Variants in RTN4RL1 observed in about 807,000 individuals in gnomAD.
The protein encoded by RTN4RL1 is reticulon 4 receptor like 1.
RTN4RL1 carries 7 observed loss-of-function variants against 25.6 expected under a neutral mutation model. That is an observed-to-expected ratio of 0.27 (90% confidence interval 0.16 to 0.51). The LOEUF is 0.51. Among genes scored for constraint, RTN4RL1 ranks in the 20% least tolerant of loss-of-function variants. The pLI is 0.97. For missense variants in RTN4RL1, 500 were observed against 615.6 expected (o/e 0.81, Z 1.99); for synonymous variants, 297 against 288.2 (o/e 1.03, Z -0.31).
intron 1 of RTN4RL1, among the ~76,000 whole-genome samples, chr17:2,002,004 AT>A (rs11457997): frequency 3.6e-4 from 53 of 145,794 alleles, no homozygotes; most frequent in South Asian, 6.5e-4. Context: ...TGCTTAAAGG[AT>A]TTTTTTTTTT....
intron 1 of RTN4RL1, among the ~76,000 whole-genome samples, chr17:1,951,292 C>T (rs1019181213): frequency 6.6e-6 from 1 of 151,638 alleles, no homozygotes; most frequent in African/African-American, 2.4e-5. Context: ...ATTTTATTAA[C>T]AAAAAATAGT....
intron 1 of RTN4RL1, among the ~76,000 whole-genome samples, chr17:1,989,093 T>C (rs1280026391): frequency 6.6e-6 from 1 of 152,122 alleles, no homozygotes; most frequent in Non-Finnish European, 1.5e-5. Flanking sequence ...GAGAGTAATC[T>C]AGACCACCAA....
chr17:1,963,794 C>A (rs2066776556), intron 1 of RTN4RL1, among the ~76,000 whole-genome samples: 1 of 152,072 alleles, frequency 6.6e-6, no homozygotes, highest in Non-Finnish European at 1.5e-5. Flanking sequence ...TGCAGTGGTG[C>A]GATCTCGGCT....
At chr17:1,945,027 G>T (rs901919088) in intron 1 of RTN4RL1, among the ~76,000 whole-genome samples, 1 of 151,868 alleles carries the variant, frequency 6.6e-6, no homozygotes, top group Admixed American at 6.6e-5. Context: ...CTCCCCAGCC[G>T]CAGTGGCCTC....
rs574183863 is a variant in RTN4RL1, at chr17:1,965,624, G to A, written c.14-27816C>T. 2.6e-5 allele frequency among the ~76,000 whole-genome samples: 4 copies of A among 152,254 alleles called. 1 individual carries two copies. In the East Asian group the frequency reaches 7.7e-4, roughly 29 times the overall value. On this transcript the variant is annotated intron_variant, in intron 1 of 1. Coordinates refer to ENST00000331238, the MANE Select transcript of RTN4RL1 (RefSeq NM_178568.4). ...CGTGGAGGAGCAGGGCAGGCCAGGA[G>A]CCCCGAATGGGTCTGGGCGACCCTC...
intron 1 of RTN4RL1, among the ~76,000 whole-genome samples, chr17:1,963,720 C>T (rs950309258): frequency 1.3e-5 from 2 of 152,126 alleles, no homozygotes; most frequent in African/African-American, 2.4e-5. Context: ...ATCTGCCCTT[C>T]GGAGTTTTTT....
chr17:1,939,296 T>A (rs1597485096), intron 1 of RTN4RL1, among the ~76,000 whole-genome samples: 1 of 151,900 alleles, frequency 6.6e-6, no homozygotes, highest in South Asian at 2.1e-4. Flanking sequence ...GAGCTTGCAG[T>A]GAGCTGAGAT....
chr17:2,002,316 G>A (rs373636158), intron 1 of RTN4RL1, among the ~76,000 whole-genome samples: 7 of 141,796 alleles, frequency 4.9e-5, no homozygotes, highest in South Asian at 4.6e-4. Flanking sequence ...TTTTTGAGAC[G>A]GAGTCTTGCT....
At chr17:1,967,298 C>T (rs2066795963) in intron 1 of RTN4RL1, among the ~76,000 whole-genome samples, 1 of 152,306 alleles carries the variant, frequency 6.6e-6, no homozygotes, top group South Asian at 2.1e-4. Flanking sequence ...CACAGCTCCA[C>T]CTGCAGCATG....
chr17:2,024,946 C>T lies in RTN4RL1; in HGVS notation c.-81G>A. 2 of 1,453,888 alleles carry T rather than the reference C, an allele frequency of 1.4e-6. No homozygotes were observed. Among genetic ancestry groups the T allele is most frequent in the Non-Finnish European group, 1.9e-6 (2 of 1,070,044 alleles). 90.1% of individuals were successfully genotyped at this position (1,453,888 alleles called of 1,614,324 possible). A position where few individuals can be genotyped will look rare whatever the true frequency, so the allele number is the denominator to read the frequency against. On this transcript the variant is annotated 5_prime_UTR_variant, in exon 1 of 2. Coordinates refer to ENST00000331238, the MANE Select transcript of RTN4RL1 (RefSeq NM_178568.4). ...CCAGATTCAAATCCCTGGGCGCCAG[C>T]TGCAGCTAATCCGAGCGCGTCGAGG...
intron 1 of RTN4RL1, among the ~76,000 whole-genome samples, chr17:1,962,045 G>C (rs2066766409): frequency 6.6e-6 from 1 of 151,474 alleles, no homozygotes; most frequent in South Asian, 2.1e-4. Context: ...GCTTTGGGAG[G>C]CTGAGGTAAG....
At chr17:1,947,775 C>T (rs1000758408) in intron 1 of RTN4RL1, among the ~76,000 whole-genome samples, 6 of 152,110 alleles carry the variant, frequency 3.9e-5, no homozygotes, top group Non-Finnish European at 8.8e-5. Flanking sequence ...GGGGGCTGGA[C>T]GCTGGCACTC....
intron 1 of RTN4RL1, among the ~76,000 whole-genome samples, chr17:1,945,466 C>A (rs188044952): frequency 1.3e-5 from 2 of 152,150 alleles, no homozygotes; most frequent in East Asian, 1.9e-4. Context: ...CTTGATCCAC[C>A]GCCTTGGCCT....
chr17:1,949,175 G>A (rs932770454), intron 1 of RTN4RL1, among the ~76,000 whole-genome samples: 25 of 151,956 alleles, frequency 1.6e-4, no homozygotes, highest in African/African-American at 5.6e-4. Context: ...GTTAGCCAGG[G>A]TGTTCTCAAT....
At chr17:1,991,032 T>A (rs147514604) in intron 1 of RTN4RL1, among the ~76,000 whole-genome samples, 3 of 152,130 alleles carry the variant, frequency 2.0e-5, no homozygotes, top group Non-Finnish European at 4.4e-5. Context: ...CATGTGCAAT[T>A]TGGATGCCTG....
At chr17:1,949,083 A>G (rs1754195634) in intron 1 of RTN4RL1, among the ~76,000 whole-genome samples, 1 of 151,866 alleles carries the variant, frequency 6.6e-6, no homozygotes, top group Non-Finnish European at 1.5e-5. Flanking sequence ...CAGCCTCCAG[A>G]GTAGCTGGGA....
chr17:1,952,934 G>A (rs1237099819), intron 1 of RTN4RL1, among the ~76,000 whole-genome samples: 5 of 151,744 alleles, frequency 3.3e-5, no homozygotes, highest in East Asian at 3.9e-4. Flanking sequence ...AAAATTAGTC[G>A]GGTGTGGTGG....
At chr17:1,981,244 A>C (rs925455881) in intron 1 of RTN4RL1, among the ~76,000 whole-genome samples, 5 of 151,790 alleles carry the variant, frequency 3.3e-5, no homozygotes, top group African/African-American at 4.8e-5. Context: ...ATCTGGGTAT[A>C]GTAGTGCACA....
At chr17:1,945,086 C>T (rs1915510100) in intron 1 of RTN4RL1, among the ~76,000 whole-genome samples, 1 of 152,154 alleles carries the variant, frequency 6.6e-6, no homozygotes, top group South Asian at 2.1e-4. Flanking sequence ...TAGCCTTTTG[C>T]ACGTGCTGTT....
Sources: allele counts gnomAD v4.1 joint callset (sites outside exome capture counted in the v4.1 genomes callset), GRCh38; gene constraint gnomAD v4.1.1; transcripts MANE v1.5; gene names NCBI Gene and HGNC (gene_info 2026-07-23, HGNC 2026-07-21).